CEP63: variants seen among roughly 807,000 people sequenced by gnomAD.
CEP63 encodes centrosomal protein 63, also known as centrosomal protein of 63 kDa.
In CEP63, 84 loss-of-function variants were observed where a neutral mutation model predicts 89.1. The observed-to-expected ratio is 0.94, with a 90% CI of 0.79 to 1.13. The LOEUF (loss-of-function observed/expected upper bound fraction) is 1.13. CEP63 is among the 50% of genes most tolerant of loss of function. CEP63 has a pLI of 0.00. For synonymous variants in CEP63, 267 were observed against 272.5 expected (o/e 0.98, Z 0.20); for missense variants, 838 against 813.3 (o/e 1.03, Z -0.37).
chr3:134,719,494 T>C, the CEP63 span, among the ~76,000 whole-genome samples: 1 of 152,196 alleles, frequency 6.6e-6, no homozygotes. Flanking sequence ...GGCACATAAT[T>C]CACCCATCTA....
At chr3:134,553,706 C>T (rs775167887) in intron 12 of CEP63, among the ~76,000 whole-genome samples, 2 of 152,234 alleles carry the variant, frequency 1.3e-5, no homozygotes, top group South Asian at 2.1e-4. Flanking sequence ...TGAATTGATA[C>T]GGCCTTTCTA....
intron 2 of CEP63, among the ~76,000 whole-genome samples, chr3:134,499,532 A>T (rs1284240954): frequency 1.3e-5 from 2 of 150,508 alleles, no homozygotes; most frequent in African/African-American, 2.4e-5. Context: ...GATCTTTGTT[A>T]TTTTTTTCCT....
At chr3:134,722,435 T>G in the CEP63 span, among the ~76,000 whole-genome samples, 1 of 152,164 alleles carries the variant, frequency 6.6e-6, no homozygotes, top group African/African-American at 2.4e-5. Flanking sequence ...AACTTGAATC[T>G]TCTCCCTTTT....
At chr3:134,551,756 C>T (rs77239771) in intron 11 of CEP63, among the ~76,000 whole-genome samples, 170 bp from the exon 12 acceptor site, 84 of 17,340 alleles carry the variant, frequency 4.8e-3, no homozygotes, top group Middle Eastern at 0.036. Flanking sequence ...TATATATATA[C>T]ACACACACAC....
At chr3:134,608,807 G>A in the CEP63 span, 1 of 1,613,218 alleles carries the variant, frequency 6.2e-7, no homozygotes, top group South Asian at 1.1e-5. Flanking sequence ...GATGAACAGT[G>A]CAGGGTGGGT....
intron 3 of CEP63, among the ~76,000 whole-genome samples, chr3:134,512,290 G>A (rs1370447351): frequency 6.6e-6 from 1 of 152,292 alleles, no homozygotes; most frequent in East Asian, 1.9e-4. Context: ...TGTAAGTTAA[G>A]GCTTTATGTG....
chr3:134,529,405 A>G (rs1043920932), intron 3 of CEP63, among the ~76,000 whole-genome samples: 1 of 133,060 alleles, frequency 7.5e-6, no homozygotes, highest in Non-Finnish European at 1.5e-5. Context: ...CAGTGGTGCC[A>G]TCTCAGCTCA....
At chr3:134,517,238 T>G (rs1178250388) in intron 3 of CEP63, among the ~76,000 whole-genome samples, 1 of 152,188 alleles carries the variant, frequency 6.6e-6, no homozygotes, top group Non-Finnish European at 1.5e-5. Flanking sequence ...GCCCACACTT[T>G]GCTGGGGGAC....
chr3:134,624,918 A>G, the CEP63 span: 1 of 755,334 alleles, frequency 1.3e-6, no homozygotes, highest in Non-Finnish European at 2.3e-6. Flanking sequence ...CCCATATGCT[A>G]TGAAAAGGCA....
upstream of CEP63, chr3:134,485,993 C>G (rs1214163430): frequency 7.8e-5 from 5 of 63,750 alleles, no homozygotes; most frequent in African/African-American, 4.4e-4. Flanking sequence ...CCTGCCACGC[C>G]CCCCCCCCCT....
chr3:134,632,891 A>C, the CEP63 span, among the ~76,000 whole-genome samples: 1 of 152,016 alleles, frequency 6.6e-6, no homozygotes, highest in Non-Finnish European at 1.5e-5. Flanking sequence ...GACACAAATC[A>C]GGGGTAAATA....
the CEP63 span, among the ~76,000 whole-genome samples, chr3:134,733,763 C>T: frequency 1.3e-5 from 2 of 152,212 alleles, no homozygotes; most frequent in Non-Finnish European, 2.9e-5. Flanking sequence ...TCAGAGGGAT[C>T]CTGGCCTTGC....
At chr3:134,608,710 C>G in the CEP63 span, 1 of 1,614,062 alleles carries the variant, frequency 6.2e-7, no homozygotes, top group Non-Finnish European at 8.5e-7. Flanking sequence ...AGAATTCACT[C>G]TTGTGATACA....
intron 3 of CEP63, among the ~76,000 whole-genome samples, chr3:134,531,002 A>G (rs1236165974): frequency 1.3e-5 from 2 of 152,188 alleles, no homozygotes; most frequent in Non-Finnish European, 2.9e-5. Flanking sequence ...TTGGCAGAAA[A>G]TAGGTGTCAC....
At chr3:134,724,180 C>T in the CEP63 span, among the ~76,000 whole-genome samples, 1 of 152,178 alleles carries the variant, frequency 6.6e-6, no homozygotes, top group Non-Finnish European at 1.5e-5. Flanking sequence ...TTAGATGTGC[C>T]TATGTGATTC....
downstream of CEP63, among the ~76,000 whole-genome samples, chr3:134,575,356 T>A (rs1958185169): frequency 4.3e-5 from 1 of 23,306 alleles, no homozygotes; most frequent in Non-Finnish European, 9.2e-5. Context: ...TCTATGGCCC[T>A]CTTTCTCCCT....
At chr3:134,531,410 C>T (rs925733716) in intron 3 of CEP63, among the ~76,000 whole-genome samples, 4 of 152,030 alleles carry the variant, frequency 2.6e-5, no homozygotes, top group African/African-American at 9.7e-5. Context: ...TGGGGAAACC[C>T]TGTCTCTACT....
At chr3:134,769,315 A>G in the CEP63 span, among the ~76,000 whole-genome samples, 2 of 152,132 alleles carry the variant, frequency 1.3e-5, no homozygotes, top group Non-Finnish European at 2.9e-5. Flanking sequence ...TGGAGGCAGA[A>G]TTGTGTTTAA....
chr3:134,716,128 T>A, the CEP63 span, among the ~76,000 whole-genome samples: 1 of 152,202 alleles, frequency 6.6e-6, no homozygotes, highest in Non-Finnish European at 1.5e-5. Context: ...TGGGTGGCAA[T>A]ACTCTCATTT....
Sources: allele counts gnomAD v4.1 joint callset (sites outside exome capture counted in the v4.1 genomes callset), GRCh38; gene constraint gnomAD v4.1.1; transcripts MANE v1.5; gene names NCBI Gene and HGNC (gene_info 2026-07-23, HGNC 2026-07-21).